Variants in LARP6 observed in about 807,000 individuals in gnomAD.
LARP6 encodes the protein La ribonucleoprotein 6, translational regulator.
LARP6 carries 18 observed loss-of-function variants against 32.8 expected under a neutral mutation model. The ratio of observed to expected loss-of-function variants is 0.55; its 90% CI spans 0.38 to 0.81. LARP6 has a LOEUF of 0.81. Ranked by LOEUF, LARP6 falls within the 40% of genes least tolerant of loss-of-function variation. LARP6 has a pLI of 0.00. For missense variants in LARP6, 598 were observed against 663.1 expected (o/e 0.90, Z 1.08); for synonymous variants, 289 against 267.2 (o/e 1.08, Z -0.80).
chr15:70,848,842 T>G (rs1388051575), intron 1 of LARP6: 1 of 152,204 alleles, frequency 6.6e-6, no homozygotes, highest in Admixed American at 6.5e-5. Flanking sequence ...AAGATTGTGT[T>G]GTTAAATTAA....
intron 1 of LARP6, among the ~76,000 whole-genome samples, chr15:70,840,536 G>A (rs1194234211): frequency 1.3e-5 from 2 of 152,086 alleles, no homozygotes; most frequent in East Asian, 1.9e-4. Flanking sequence ...GCGAAACTCC[G>A]TCTCAAACAA....
At chr15:70,833,154 G>T in intron 2 of LARP6, 38 bp from the exon 3 acceptor site, 5 of 1,556,600 alleles carry the variant, frequency 3.2e-6, no homozygotes, top group Non-Finnish European at 4.4e-6. Context: ...AGTATCTAAT[G>T]TCCTTGTCCA....
At chr15:70,842,173 G>T (rs1397403829) in intron 1 of LARP6, among the ~76,000 whole-genome samples, 1 of 152,032 alleles carries the variant, frequency 6.6e-6, no homozygotes, top group African/African-American at 2.4e-5. Context: ...AGCCTCCCAA[G>T]TAGCTGGGGC....
At chr15:70,853,214 A>ACCACC (rs2032526592) in intron 1 of LARP6, 1 of 100,844 alleles carries the variant, frequency 9.9e-6, no homozygotes. Flanking sequence ...ACCCAGGAAC[A>ACCACC]CCCCCCCCCC....
At chr15:70,851,059 T>C (rs2032438684) in intron 1 of LARP6, among the ~76,000 whole-genome samples, 1 of 152,194 alleles carries the variant, frequency 6.6e-6, no homozygotes, top group African/African-American at 2.4e-5. Context: ...TTGGGGAATC[T>C]TGAATGTGGA....
Position 70,832,332 on chromosome 15 carries a change from G to A in LARP6, c.1196C>T (p.Ala399Val), listed in dbSNP as rs200378737. ...GCTGCAGTTCAGTCTACCTTCCTCC[G>A]CCAGTGGGGACTTTCTGGAAACGCC... Reference protein sequence around the residue: ...RKGVSRKSPLAEEGRLNCSTS... With the variant: ...RKGVSRKSPLVEEGRLNCSTS... Residue 399 changes from alanine (A) to valine (V), a missense_variant, in exon 3 of 3, where the codon GCG (alanine) becomes GTG (valine). Around this residue, in one of 3 missense-constraint regions of LARP6, gnomAD observed 368 missense variants for 397.9 expected, o/e 0.92. Coordinates refer to ENST00000299213, the MANE Select transcript of LARP6 (RefSeq NM_018357.4). The A allele has an allele frequency of 3.7e-6, 6 of 1,614,202 alleles. No individual in the cohort carries two copies. The highest frequency in any genetic ancestry group is 3.3e-5 in the Admixed American group (2 of 60,030).
At position 70,839,051 on chromosome 15, in the gene LARP6, G is replaced by T. The variant is rs1161359605; in HGVS notation, c.201-2546C>A. ...AAATTATAATTAGTATAAAATATAG[G>T]CATTGGTTGATTAAAAATAAAGAGT... is the stretch of plus-strand genomic sequence containing the variant. On this transcript the variant is annotated intron_variant, in intron 1 of 2. Transcript: ENST00000299213. Among the ~76,000 whole-genome samples the T allele has an allele frequency of 9.9e-5, 15 of 152,160 alleles. No individual in the cohort carries two copies. The East Asian group carries it at 2.3e-3, about 23-fold the overall frequency.
In LARP6 at chr15:70,847,819, C is replaced by T. The variant is rs145847214; in HGVS notation, c.200+6070G>A. Among the ~76,000 whole-genome samples the T allele has an allele frequency of 7.3e-4, 111 of 152,170 alleles. 1 individual carries two copies. Among genetic ancestry groups the T allele is most frequent in the African/African-American group, 2.6e-3 (108 of 41,520 alleles). On this transcript the variant is annotated intron_variant, in intron 1 of 2. Transcript: ENST00000299213. Reference sequence around the variant, plus strand: ...TAAGATGGTGGAATAATGAGACCCTCACTACAGCTTTCAATCCAGGAATGA... The same window carrying T: ...TAAGATGGTGGAATAATGAGACCCTTACTACAGCTTTCAATCCAGGAATGA...
At chr15:70,840,180 A>T (rs1439847983) in intron 1 of LARP6, among the ~76,000 whole-genome samples, 1 of 152,212 alleles carries the variant, frequency 6.6e-6, no homozygotes, top group African/African-American at 2.4e-5. Context: ...GAAAAAGGAG[A>T]TGCAAGATGG....
At chr15:70,846,621 A>AATACATACCTAC (rs2032350724) in intron 1 of LARP6, among the ~76,000 whole-genome samples, 1 of 148,766 alleles carries the variant, frequency 6.7e-6, no homozygotes, top group Non-Finnish European at 1.5e-5. Flanking sequence ...AAAATAAATA[A>AATACATACCTAC]ATACATACAT....
At position 70,846,337 on chromosome 15, in the gene LARP6, G is replaced by A. The variant is rs756397428; in HGVS notation, c.200+7552C>T. ...AACTCTTCGGCTCCCAACCAGGCAC[G>A]GTGGCTCACGCCTGTAATCCCAGCA... On this transcript the variant is annotated intron_variant, in intron 1 of 2. Transcript: ENST00000299213. Among the ~76,000 whole-genome samples, 4 of 152,240 alleles carry A rather than the reference G, an allele frequency of 2.6e-5. No homozygotes were observed. The East Asian group carries it at 5.8e-4, about 22-fold the overall frequency.
chr15:70,840,936 CAG>C lies in LARP6; in HGVS notation c.201-4433_201-4432del, dbSNP rs2032243711. Among the ~76,000 whole-genome samples, 3 of 139,342 alleles carry C rather than the reference CAG, an allele frequency of 2.2e-5. No individual in the cohort carries two copies. The Admixed American group carries it at 2.3e-4, about 11-fold the overall frequency. The allele number at this position is 139,342 out of a possible 152,430, so 91.4% of individuals were successfully genotyped here. ...TCTTTTTTTTTTTTTTTTTAAGAGA[CAG>C]AGTCTCGCTCTTTCGCCCAGGCTGG... On this transcript the variant is annotated intron_variant, in intron 1 of 2. Transcript: ENST00000299213.
rs2032017228 is a variant in LARP6, at chr15:70,830,318, C to A, written c.*1734G>T. The A allele has an allele frequency of 6.6e-6, 1 of 152,248 alleles. No individual in the cohort carries two copies. The highest frequency in any genetic ancestry group is 1.5e-5 in the Non-Finnish European group (1 of 68,054). 9.4% of individuals were successfully genotyped at this position (152,248 alleles called of 1,614,324 possible). The stretch of plus-strand genomic sequence containing the variant: ...TTTCACAAGTTTGGGATATTATTTT[C>A]CTACTTCAGCAGCTGCATGTGTGAT... On this transcript the variant is annotated 3_prime_UTR_variant, in exon 3 of 3. Coordinates refer to ENST00000299213, the MANE Select transcript of LARP6 (RefSeq NM_018357.4).
chr15:70,836,433 C>G lies in LARP6; in HGVS notation c.273G>C (p.Glu91Asp). The change falls in exon 2 of 3, where the codon GAG (glutamate) becomes GAC (aspartate). Residue 91 changes from glutamate (E) to aspartate (D), a missense_variant. Physicochemically the swap from Glu to Asp is conservative, Grantham distance 45 (BLOSUM62 2). Around this residue, in one of 3 missense-constraint regions of LARP6, gnomAD observed 161 missense variants for 148.6 expected, o/e 1.08. Transcript: ENST00000299213. ...LEQEWKPPDE[E>D]LIKKLVDQIE... ...TCTGATCCACCAGTTTCTTGATCAA[C>G]TCCTCATCCGGGGGCTTCCACTCCT... is the stretch of plus-strand genomic sequence containing the variant. The G allele has an allele frequency of 6.2e-7, 1 of 1,614,190 alleles. No homozygotes were observed. Among genetic ancestry groups the G allele is most frequent in the Middle Eastern group, 1.6e-4 (1 of 6,062 alleles).
At chr15:70,839,532 A>G (rs1448078316) in intron 1 of LARP6, among the ~76,000 whole-genome samples, 2 of 152,156 alleles carry the variant, frequency 1.3e-5, no homozygotes, top group African/African-American at 4.8e-5. Flanking sequence ...TAAAAGTCAG[A>G]CATTAAGCTG....
Position 70,832,359 on chromosome 15 carries a change from T to C in LARP6, c.1169A>G (p.Lys390Arg). ...CAGTGGGGACTTTCTGGAAACGCCT[T>C]TGCGTTGGGCCAAGGGGCTGCTCCA... ...SPWSSPLAQR[K>R]GVSRKSPLAE... Residue 390 changes from lysine to arginine, a missense_variant, in exon 3 of 3, where the codon AAA (lysine) becomes AGA (arginine). Lys to Arg is a conservative substitution (Grantham distance 26, BLOSUM62 2). This residue lies in a region of LARP6 where 368 missense variants were observed against 397.9 expected (regional missense o/e 0.92). Transcript: ENST00000299213. 1 of 1,614,084 alleles carries C rather than the reference T, an allele frequency of 6.2e-7. No individual in the cohort carries two copies. Among genetic ancestry groups the C allele is most frequent in the Middle Eastern group, 1.7e-4 (1 of 6,060 alleles).
intron 2 of LARP6, among the ~76,000 whole-genome samples, chr15:70,834,361 C>T (rs532406991): frequency 6.6e-6 from 1 of 152,202 alleles, no homozygotes; most frequent in African/African-American, 2.4e-5. Flanking sequence ...GGCAAAGGGT[C>T]GGATTTCAGG....
chr15:70,851,756 G>A, intron 1 of LARP6: 1 of 1,613,824 alleles, frequency 6.2e-7, no homozygotes, highest in East Asian at 2.2e-5. Context: ...TCACAATTGT[G>A]GAAGGTGCTA....
At chr15:70,843,791 G>C (rs1432641023) in intron 1 of LARP6, among the ~76,000 whole-genome samples, 4 of 150,700 alleles carry the variant, frequency 2.7e-5, no homozygotes, top group African/African-American at 9.7e-5. Context: ...GAGTAGCTGG[G>C]ATTACAGGCG....
Sources: allele counts gnomAD v4.1 joint callset (sites outside exome capture counted in the v4.1 genomes callset), GRCh38; gene constraint gnomAD v4.1.1; regional missense constraint gnomAD v4.1.1; transcripts MANE v1.5; gene names NCBI Gene and HGNC (gene_info 2026-07-23, HGNC 2026-07-21).